The following HOOK3 variants were observed in gnomAD, a reference collection of about 807,000 sequenced individuals.
The protein encoded by HOOK3 is hook microtubule tethering protein 3.
In HOOK3, 24 loss-of-function variants were observed where a neutral mutation model predicts 116.3. The observed-to-expected ratio is 0.21, with a 90% CI of 0.15 to 0.29. The LOEUF is 0.29. HOOK3 is among the 10% of genes least tolerant of loss of function. The pLI is 1.00. For missense variants in HOOK3, 632 were observed against 830.2 expected, an observed-to-expected ratio of 0.76 and a Z score of 2.93; for synonymous variants, 275 against 283.0, an observed-to-expected ratio of 0.97 and a Z score of 0.28.
chr8:42,958,374 C>A (rs1808473592), intron 7 of HOOK3, among the ~76,000 whole-genome samples: 1 of 151,810 alleles, frequency 6.6e-6, no homozygotes, highest in Admixed American at 6.6e-5. Context: ...ATAAAATTTT[C>A]TTTTAATCAA....
At chr8:42,897,758 G>C (rs971428566) in intron 1 of HOOK3, among the ~76,000 whole-genome samples, 1 of 152,276 alleles carries the variant, frequency 6.6e-6, no homozygotes, top group African/African-American at 2.4e-5. Flanking sequence ...TTGGGGGACA[G>C]AGTCGTGGGA....
intron 8 of HOOK3, among the ~76,000 whole-genome samples, chr8:42,960,792 T>C (rs1808520697): frequency 6.6e-6 from 1 of 152,236 alleles, no homozygotes; most frequent in South Asian, 2.1e-4. Context: ...AGGCCTTCCA[T>C]GGTTGAGTAA....
intron 11 of HOOK3, among the ~76,000 whole-genome samples, chr8:42,971,614 TG>T (rs1808729288): frequency 1.3e-5 from 2 of 152,088 alleles, no homozygotes; most frequent in Non-Finnish European, 1.5e-5. Context: ...GCCTTCTTTG[TG>T]TGCTTTTTCA....
intron 3 of HOOK3, among the ~76,000 whole-genome samples, chr8:42,927,823 C>T (rs1045842505): frequency 3.9e-5 from 6 of 152,120 alleles, no homozygotes; most frequent in Non-Finnish European, 5.9e-5. Context: ...AGTCCGGTCT[C>T]GAACTCCTGG....
At chr8:43,009,137 C>T (rs919021627) in intron 18 of HOOK3, among the ~76,000 whole-genome samples, 2 of 151,654 alleles carry the variant, frequency 1.3e-5, no homozygotes. Flanking sequence ...AACGGTGGCT[C>T]ACTCCTGTAA....
At chr8:42,904,536 C>A (rs764180531) in intron 1 of HOOK3, among the ~76,000 whole-genome samples, 1 of 152,176 alleles carries the variant, frequency 6.6e-6, no homozygotes, top group Non-Finnish European at 1.5e-5. Context: ...TGGTTCTGAT[C>A]TCCAGACCTC....
At chr8:42,911,926 T>G (rs1272895891) in intron 2 of HOOK3, among the ~76,000 whole-genome samples, 1 of 152,156 alleles carries the variant, frequency 6.6e-6, no homozygotes, top group Non-Finnish European at 1.5e-5. Context: ...AAGTTGACAG[T>G]CTAGAGTTCA....
At chr8:42,946,580 A>T (rs1808231278) in intron 5 of HOOK3, among the ~76,000 whole-genome samples, 1 of 151,984 alleles carries the variant, frequency 6.6e-6, no homozygotes, top group African/African-American at 2.4e-5. Context: ...CTTATAGTGC[A>T]AAACAGATTT....
intron 4 of HOOK3, among the ~76,000 whole-genome samples, chr8:42,939,808 G>A (rs943897442): frequency 1.3e-5 from 2 of 150,622 alleles, no homozygotes; most frequent in Non-Finnish European, 3.0e-5. Flanking sequence ...TTCTCAGACG[G>A]GGCGGCCGGG....
chr8:42,939,389 C>T (rs1463011846), intron 4 of HOOK3, among the ~76,000 whole-genome samples: 5 of 146,968 alleles, frequency 3.4e-5, no homozygotes, highest in Admixed American at 6.7e-5. Context: ...GCTGGCCGGG[C>T]GGGGGGCTGA....
At chr8:42,971,137 A>G (rs1808719735) in intron 11 of HOOK3, among the ~76,000 whole-genome samples, 1 of 151,934 alleles carries the variant, frequency 6.6e-6, no homozygotes, top group Admixed American at 6.6e-5. Context: ...TAATCAGCAT[A>G]ACTGGACTTC....
At chr8:42,934,876 C>G (rs148618096) in intron 4 of HOOK3, among the ~76,000 whole-genome samples, 7,217 of 152,138 alleles carry the variant, frequency 0.047, 343 homozygotes, top group African/African-American at 0.12. Flanking sequence ...CTTTATAGTA[C>G]ATTGATTTAT....
At chr8:42,960,081 G>A (rs1001426065) in intron 8 of HOOK3, among the ~76,000 whole-genome samples, 1 of 152,096 alleles carries the variant, frequency 6.6e-6, no homozygotes, top group Non-Finnish European at 1.5e-5. Context: ...TCAGATTTTA[G>A]AATTTATATA....
chr8:42,959,917 A>C lies in HOOK3; in HGVS notation c.615+603A>C, dbSNP rs1808506135. Among the ~76,000 whole-genome samples, 4 of 152,112 alleles carry C rather than the reference A, an allele frequency of 2.6e-5. No homozygotes were observed. In the South Asian group the frequency reaches 8.3e-4, roughly 31 times the overall value. On this transcript the variant is annotated intron_variant, in intron 8 of 21. Coordinates refer to ENST00000307602, the MANE Select transcript of HOOK3 (RefSeq NM_032410.4). ...GGGTTATGCATATGTAGAGTTCATA[A>C]TACTTGGTAATAGAAGAGGCATTTT...
intron 5 of HOOK3, among the ~76,000 whole-genome samples, chr8:42,946,004 A>G (rs1162671499): frequency 6.6e-6 from 1 of 151,736 alleles, no homozygotes; most frequent in East Asian, 1.9e-4. Flanking sequence ...ACTGATTTGC[A>G]TAGAAATCAC....
intron 2 of HOOK3, among the ~76,000 whole-genome samples, chr8:42,922,947 A>G (rs965375850): frequency 2.0e-5 from 3 of 152,184 alleles, no homozygotes; most frequent in African/African-American, 7.2e-5. Flanking sequence ...ATATTCACAC[A>G]TCATATGTCT....
rs1194268979 is a variant in HOOK3 at position 42,997,599 on chromosome 8, C to G, written c.1582C>G (p.Gln528Glu). The G allele has an allele frequency of 6.2e-7, 1 of 1,610,198 alleles. No individual in the cohort carries two copies. Among genetic ancestry groups the G allele is most frequent in the Non-Finnish European group, 8.5e-7 (1 of 1,176,954 alleles). ...AGTACAGTCACAAGTTGAAGAATTA[C>G]AAAAATCTTTACAGGATCAAGGCTC... Reference protein sequence around the residue: ...LEVQSQVEELQKSLQDQGSKA... With the variant: ...LEVQSQVEELEKSLQDQGSKA... The change falls in exon 16 of 22, where the codon CAA (glutamine) becomes GAA (glutamate). Residue 528 changes from glutamine (Q) to glutamate (E), a missense_variant. This residue lies in a region of HOOK3 where 483 missense variants were observed against 648.1 expected (regional missense o/e 0.75). Coordinates refer to ENST00000307602, the MANE Select transcript of HOOK3 (RefSeq NM_032410.4).
intron 4 of HOOK3, among the ~76,000 whole-genome samples, chr8:42,932,397 T>C (rs1807891239): frequency 6.6e-6 from 1 of 151,832 alleles, no homozygotes; most frequent in African/African-American, 2.4e-5. Context: ...GAATAGAAAA[T>C]GTATGGCATT....
At chr8:42,959,632 T>C (rs1330977985) in intron 8 of HOOK3, among the ~76,000 whole-genome samples, 1 of 148,824 alleles carries the variant, frequency 6.7e-6, no homozygotes, top group Non-Finnish European at 1.5e-5. Context: ...GGCAGGAGAA[T>C]TGCTTGAACC....
Sources: allele counts gnomAD v4.1 joint callset (sites outside exome capture counted in the v4.1 genomes callset), GRCh38; gene constraint gnomAD v4.1.1; regional missense constraint gnomAD v4.1.1; transcripts MANE v1.5; gene names NCBI Gene and HGNC (gene_info 2026-07-23, HGNC 2026-07-21).